CAVIN1: variants seen among roughly 807,000 people sequenced by gnomAD.
CAVIN1 encodes the protein caveolae associated protein 1, also known as caveolae-associated protein 1.
CAVIN1 carries 16 observed loss-of-function variants against 24.0 expected under a neutral mutation model. That is an observed-to-expected ratio of 0.67 (90% CI 0.45 to 1.01). CAVIN1 has a LOEUF of 1.01. Among genes scored for constraint, CAVIN1 ranks in the 50% least tolerant of loss-of-function variants. The pLI is 0.00. For synonymous variants in CAVIN1, 256 were observed against 256.4 expected (o/e 1.00, Z 0.02); for missense variants, 510 against 551.7 (o/e 0.92, Z 0.76).
Position 42,422,831 on chromosome 17 carries a change from G to C in CAVIN1, c.267C>G (p.Ile89Met), listed in dbSNP as rs371989035. 3.7e-6 allele frequency: 6 copies of C among 1,613,654 alleles called. No individual in the cohort carries two copies. The African/African-American group carries it at 5.3e-5, about 14-fold the overall frequency. ...TGCCCAGCTTGCTCAGCTCGCCCTG[G>C]ATGCTCTGCACTGCGCCCTCCATCT... ...QAEMEGAVQS[I>M]QGELSKLGKA... The change falls in exon 1 of 2, where the codon ATC becomes ATG. Residue 89 changes from isoleucine to methionine, a missense_variant. Transcript: ENST00000357037.
intron 1 of CAVIN1, among the ~76,000 whole-genome samples, chr17:42,415,156 A>G (rs945972135): frequency 6.6e-6 from 1 of 152,128 alleles, no homozygotes; most frequent in Non-Finnish European, 1.5e-5. Flanking sequence ...TAACTCCCTC[A>G]GCAAGTGTCG....
intron 1 of CAVIN1, 98 bp from the exon 2 acceptor site, chr17:42,405,486 G>T: frequency 7.7e-7 from 1 of 1,294,788 alleles, no homozygotes; most frequent in Non-Finnish European, 1.1e-6. Context: ...AGGGGAGCAT[G>T]GGACGCTCGT....
Position 42,411,203 on chromosome 17 carries a change from A to AAAAAAAAAAAC in CAVIN1, c.472-5816_472-5815insGTTTTTTTTTT, listed in dbSNP as rs1555586974. 6.8e-5 allele frequency among the ~76,000 whole-genome samples: 10 copies of AAAAAAAAAAAC among 147,400 alleles called. 2 individuals carry two copies. Among genetic ancestry groups the AAAAAAAAAAAC allele is most frequent in the African/African-American group, 2.2e-4 (9 of 40,116 alleles). ...GTAGGACTATGTCTCAAAAAAAAAA[A>AAAAAAAAAAAC]AAAAAACTAAAAGGTCTGTATATGG... On this transcript the variant is annotated intron_variant, in intron 1 of 1. Transcript: ENST00000357037.
chr17:42,415,830 C>T (rs1439128648), intron 1 of CAVIN1, among the ~76,000 whole-genome samples: 2 of 152,124 alleles, frequency 1.3e-5, no homozygotes, highest in Non-Finnish European at 2.9e-5. Flanking sequence ...AAAAAATGGC[C>T]CAAGCCACTC....
intron 1 of CAVIN1, chr17:42,412,208 T>G: frequency 5.1e-6 from 5 of 984,938 alleles, no homozygotes; most frequent in Non-Finnish European, 6.0e-6. Flanking sequence ...GGCACGATCT[T>G]GGGTGTGGCC....
At chr17:42,418,432 T>C (rs991606323) in intron 1 of CAVIN1, among the ~76,000 whole-genome samples, 1 of 152,026 alleles carries the variant, frequency 6.6e-6, no homozygotes, top group Admixed American at 6.6e-5. Context: ...GGTTTCTCCA[T>C]GTTGGTCAGG....
intron 1 of CAVIN1, among the ~76,000 whole-genome samples, chr17:42,415,401 G>A (rs765528989): frequency 6.6e-6 from 1 of 152,206 alleles, no homozygotes; most frequent in Non-Finnish European, 1.5e-5. Flanking sequence ...TATTTGCAAA[G>A]TGTCTTCTAG....
rs199720089 is a variant in CAVIN1, at chr17:42,405,310, C to T, written c.550G>A (p.Glu184Lys). Reference protein sequence around the residue: ...ESEALPEKEGEELGEGERPEE... With the variant: ...ESEALPEKEGKELGEGERPEE... Reference sequence around the variant, plus strand: ...GGCCGCTCGCCCTCGCCCAGCTCCTCGCCCTCCTTCTCTGGCAGCGCCTCC... The same window carrying T: ...GGCCGCTCGCCCTCGCCCAGCTCCTTGCCCTCCTTCTCTGGCAGCGCCTCC... The change falls in exon 2 of 2, where the codon GAG becomes AAG. Residue 184 changes from glutamate (E) to lysine (K), a missense_variant. By Grantham distance (56) the Glu-to-Lys change is moderately conservative. Coordinates refer to ENST00000357037, the MANE Select transcript of CAVIN1 (RefSeq NM_012232.6). 9.3e-5 allele frequency: 150 copies of T among 1,611,768 alleles called. No homozygotes were observed. Among genetic ancestry groups the T allele is most frequent in the Middle Eastern group, 1.6e-4 (1 of 6,062 alleles).
At chr17:42,419,615 CATGGTATTT>C (rs2085533167) in intron 1 of CAVIN1, among the ~76,000 whole-genome samples, 1 of 152,134 alleles carries the variant, frequency 6.6e-6, no homozygotes, top group Admixed American at 6.6e-5. Context: ...CCGGCCTCTG[CATGGTATTT>C]TAGAGCAACT....
At chr17:42,405,769 C>T (rs1226527302) in intron 1 of CAVIN1, among the ~76,000 whole-genome samples, 1 of 149,908 alleles carries the variant, frequency 6.7e-6, no homozygotes, top group African/African-American at 2.5e-5. Flanking sequence ...CTCACCGCAA[C>T]CTCCGCCACC....
rs2085424506 is a variant in CAVIN1, at chr17:42,403,568, T to C, written c.*1119A>G. The C allele has an allele frequency of 6.5e-6, 1 of 152,754 alleles. No homozygotes were observed. The highest frequency in any genetic ancestry group is 1.5e-5 in the Non-Finnish European group (1 of 68,092). 9.5% of individuals were successfully genotyped at this position (152,754 alleles called of 1,614,324 possible). A position where few individuals can be genotyped will look rare whatever the true frequency, so the allele number is the denominator to read the frequency against. On this transcript the variant is annotated 3_prime_UTR_variant, in exon 2 of 2. Coordinates refer to ENST00000357037, the MANE Select transcript of CAVIN1 (RefSeq NM_012232.6). Reference sequence around the variant, plus strand: ...ATGGAGAACCACAGTAAGATAGATTTCTCATGCAGCTAGTGAGGGGACTTC... The same window carrying C: ...ATGGAGAACCACAGTAAGATAGATTCCTCATGCAGCTAGTGAGGGGACTTC...
Position 42,404,671 on chromosome 17 carries a change from T to C in CAVIN1, c.*16A>G. 1 of 1,407,376 alleles carries C rather than the reference T, an allele frequency of 7.1e-7. No homozygotes were observed. Among genetic ancestry groups the C allele is most frequent in the Non-Finnish European group, 9.3e-7 (1 of 1,075,570 alleles). 87.2% of individuals were successfully genotyped at this position (1,407,376 alleles called of 1,614,324 possible). ...CGGAAGGAGCGAGGAATGGGGTGGG[T>C]GGCAGCGGGGGCGGCTCAGTCGCTG... On this transcript the variant is annotated 3_prime_UTR_variant, in exon 2 of 2. Coordinates refer to ENST00000357037, the MANE Select transcript of CAVIN1 (RefSeq NM_012232.6).
chr17:42,406,929 C>A (rs867411356), intron 1 of CAVIN1, among the ~76,000 whole-genome samples: 1 of 152,140 alleles, frequency 6.6e-6, no homozygotes, highest in East Asian at 1.9e-4. Context: ...CTTTTCAATT[C>A]TTGCTTTCCC....
At chr17:42,408,633 A>C (rs1274456930) in intron 1 of CAVIN1, among the ~76,000 whole-genome samples, 1 of 152,002 alleles carries the variant, frequency 6.6e-6, no homozygotes, top group East Asian at 1.9e-4. Flanking sequence ...CTGAGATTAC[A>C]GGCATGTGCC....
At chr17:42,418,017 T>A (rs1019196521) in intron 1 of CAVIN1, among the ~76,000 whole-genome samples, 1 of 152,110 alleles carries the variant, frequency 6.6e-6, no homozygotes, top group Non-Finnish European at 1.5e-5. Context: ...ACCATTGTGT[T>A]ATAGTTGCCT....
intron 1 of CAVIN1, among the ~76,000 whole-genome samples, chr17:42,408,250 C>T (rs1373425953): frequency 6.6e-6 from 1 of 151,934 alleles, no homozygotes; most frequent in East Asian, 1.9e-4. Flanking sequence ...CCCCCAGCAT[C>T]CCCCGCTTCT....
Position 42,423,129 on chromosome 17 carries a change from T to G in CAVIN1, c.-32A>C. On this transcript the variant is annotated 5_prime_UTR_variant, in exon 1 of 2. Coordinates refer to ENST00000357037, the MANE Select transcript of CAVIN1 (RefSeq NM_012232.6). ...CCGGAGCCGTGCGGGACCGGCCGGG[T>G]GGGGCTGGAGCTGGAGCGGGAGACC... The G allele has an allele frequency of 6.7e-7, 1 of 1,492,536 alleles. No individual in the cohort carries two copies. Among genetic ancestry groups the G allele is most frequent in the Non-Finnish European group, 9.0e-7 (1 of 1,109,980 alleles). 92.5% of individuals were successfully genotyped at this position (1,492,536 alleles called of 1,614,324 possible).
At chr17:42,412,560 ATTT>A (rs60982549) in intron 1 of CAVIN1, among the ~76,000 whole-genome samples, 2 of 125,730 alleles carry the variant, frequency 1.6e-5, no homozygotes, top group Non-Finnish European at 1.6e-5. Flanking sequence ...AACCCGGCTA[ATTT>A]TTTTTTTTTT....
chr17:42,411,531 G>A (rs2145478555), intron 1 of CAVIN1: 1 of 985,358 alleles, frequency 1.0e-6, no homozygotes, highest in Non-Finnish European at 1.2e-6. Flanking sequence ...CCCAAGGCAG[G>A]ATCTGGCAAA....
Sources: allele counts gnomAD v4.1 joint callset (sites outside exome capture counted in the v4.1 genomes callset), GRCh38; gene constraint gnomAD v4.1.1; transcripts MANE v1.5; gene names NCBI Gene and HGNC (gene_info 2026-07-23, HGNC 2026-07-21).